The following LMBRD1 variants were observed in gnomAD, a reference collection of about 807,000 sequenced individuals.
LMBRD1 encodes lysosomal cobalamin transport escort protein LMBD1.
In LMBRD1, 64 loss-of-function variants were observed where a neutral mutation model predicts 74.8. The ratio of observed to expected loss-of-function variants is 0.86; its 90% CI spans 0.70 to 1.05. LMBRD1 has a LOEUF of 1.05. Among genes scored for constraint, LMBRD1 ranks in the 50% least tolerant of loss-of-function variants. The pLI is 0.00. For synonymous variants in LMBRD1, 204 were observed against 216.3 expected (o/e 0.94, Z 0.50); for missense variants, 652 against 645.9 (o/e 1.01, Z -0.10).
chr6:69,726,257 A>G (rs1766732483), intron 7 of LMBRD1, among the ~76,000 whole-genome samples: 1 of 152,226 alleles, frequency 6.6e-6, no homozygotes, highest in East Asian at 1.9e-4. Flanking sequence ...GAGAAAAGGG[A>G]ACCCTTGTAC....
At chr6:69,779,277 C>T (rs1005393592) in intron 3 of LMBRD1, among the ~76,000 whole-genome samples, 1 of 151,264 alleles carries the variant, frequency 6.6e-6, no homozygotes, top group Non-Finnish European at 1.5e-5. Flanking sequence ...CATTTAATGT[C>T]CTACTGAAAT....
intron 14 of LMBRD1, 76 bp from the exon 15 acceptor site, chr6:69,676,617 T>C (rs1765552870): frequency 8.7e-6 from 10 of 1,147,962 alleles, no homozygotes; most frequent in Non-Finnish European, 1.3e-5. Context: ...CTCTAAAAGA[T>C]TATTAACCAA....
intron 5 of LMBRD1, chr6:69,746,466 T>C: frequency 6.3e-6 from 1 of 158,366 alleles, no homozygotes; most frequent in Non-Finnish European, 1.4e-5. Context: ...CTCTAGAACA[T>C]CATCCCTGCC....
intron 9 of LMBRD1, among the ~76,000 whole-genome samples, chr6:69,713,260 A>G (rs1766420794): frequency 6.6e-6 from 1 of 152,112 alleles, no homozygotes; most frequent in African/African-American, 2.4e-5. Context: ...TACACCATAC[A>G]CAAAAACCAA....
chr6:69,754,609 G>C (rs1423279331), intron 3 of LMBRD1, among the ~76,000 whole-genome samples: 1 of 152,186 alleles, frequency 6.6e-6, no homozygotes, highest in Non-Finnish European at 1.5e-5. Context: ...AACTAATAGT[G>C]ACAATAAATC....
At chr6:69,723,220 A>G (rs1370586637) in intron 7 of LMBRD1, among the ~76,000 whole-genome samples, 1 of 152,140 alleles carries the variant, frequency 6.6e-6, no homozygotes. Flanking sequence ...TACATTAACA[A>G]TGGAGACTTC....
intron 14 of LMBRD1, among the ~76,000 whole-genome samples, chr6:69,692,748 C>T (rs947966894): frequency 1.3e-5 from 2 of 152,090 alleles, no homozygotes; most frequent in Non-Finnish European, 2.9e-5. Context: ...TCTCCTTTTG[C>T]TTTACCACAG....
chr6:69,776,136 G>A (rs1765694761), intron 3 of LMBRD1, among the ~76,000 whole-genome samples: 1 of 152,164 alleles, frequency 6.6e-6, no homozygotes, highest in South Asian at 2.1e-4. Context: ...TTTTCCAAAT[G>A]AATAAGGCAT....
At chr6:69,730,460 A>G (rs1196637366) in intron 7 of LMBRD1, among the ~76,000 whole-genome samples, 1 of 152,124 alleles carries the variant, frequency 6.6e-6, no homozygotes, top group East Asian at 1.9e-4. Flanking sequence ...TGAGTCTAAG[A>G]CGTATATATT....
intron 5 of LMBRD1, among the ~76,000 whole-genome samples, chr6:69,743,710 T>C (rs865923362): frequency 6.6e-6 from 1 of 152,192 alleles, no homozygotes; most frequent in Non-Finnish European, 1.5e-5. Flanking sequence ...CCTAAAATAT[T>C]TTCACATAAA....
At chr6:69,686,559 A>G (rs1266595573) in intron 14 of LMBRD1, among the ~76,000 whole-genome samples, 1 of 152,172 alleles carries the variant, frequency 6.6e-6, no homozygotes, top group Admixed American at 6.6e-5. Context: ...GAAATATTAA[A>G]CAAATACTTT....
intron 13 of LMBRD1, among the ~76,000 whole-genome samples, chr6:69,698,581 A>G (rs1766056762): frequency 6.6e-6 from 1 of 151,964 alleles, no homozygotes; most frequent in East Asian, 1.9e-4. Flanking sequence ...CACCACCAAT[A>G]AATCAGCATA....
rs1020960508 is a variant in LMBRD1, at chr6:69,674,108, T to C, written c.*2050A>G. On this transcript the variant is annotated 3_prime_UTR_variant, in exon 16 of 16. Coordinates refer to ENST00000649934, the MANE Select transcript of LMBRD1 (RefSeq NM_018368.4). ...CTGGATTCTCCTGAGGCCTCTCCTG[T>C]TGGCTTGCAGACCACTGCCTTCTCA... is the stretch of plus-strand genomic sequence containing the variant. Among the ~76,000 whole-genome samples the C allele has an allele frequency of 6.6e-6, 1 of 152,212 alleles. No individual in the cohort carries two copies. The highest frequency in any genetic ancestry group is 1.9e-4 in the East Asian group (1 of 5,200).
intron 5 of LMBRD1, among the ~76,000 whole-genome samples, chr6:69,747,069 A>C (rs562557417): frequency 2.0e-5 from 3 of 152,238 alleles, no homozygotes; most frequent in Admixed American, 6.5e-5. Flanking sequence ...CCAAAAAAAA[A>C]AAAAAACAAA....
chr6:69,713,526 C>T (rs1219204522), intron 9 of LMBRD1, 119 bp downstream of exon 9: 9 of 1,033,632 alleles, frequency 8.7e-6, no homozygotes, highest in South Asian at 6.2e-5. Flanking sequence ...CAGATTAAAC[C>T]CCCAAATCCA....
rs989696268 is a variant in LMBRD1 at position 69,719,855 on chromosome 6, C to G, written c.637-774G>C. Reference sequence around the variant, plus strand: ...ATGTACTTAAATGTTTTTCACTTTCCTTCTGGCACACTTTACCCCGTGCCC... The same window carrying G: ...ATGTACTTAAATGTTTTTCACTTTCGTTCTGGCACACTTTACCCCGTGCCC... On this transcript the variant is annotated intron_variant, in intron 7 of 15. Coordinates refer to ENST00000649934, the MANE Select transcript of LMBRD1 (RefSeq NM_018368.4). Among the ~76,000 whole-genome samples the G allele has an allele frequency of 7.9e-5, 12 of 152,240 alleles. No individual in the cohort carries two copies. In the South Asian group the frequency reaches 1.9e-3, roughly 24 times the overall value.
intron 14 of LMBRD1, among the ~76,000 whole-genome samples, chr6:69,688,730 A>G (rs1321873163): frequency 2.1e-5 from 3 of 140,184 alleles, no homozygotes; most frequent in African/African-American, 7.5e-5. Flanking sequence ...TGCAGAGGTA[A>G]TAAAAGATAT....
At chr6:69,774,959 AAGGAAG>A (rs1160324892) in intron 3 of LMBRD1, among the ~76,000 whole-genome samples, 4 of 31,806 alleles carry the variant, frequency 1.3e-4, no homozygotes, top group African/African-American at 5.2e-4. Flanking sequence ...GGAAGGAAGG[AAGGAAG>A]GAAGGAAGGA....
chr6:69,699,151 G>C lies in LMBRD1; in HGVS notation c.1230C>G (p.Leu410=). Residue 410 remains leucine (L), a synonymous_variant, in exon 13 of 16, where the codon CTC becomes CTG. Transcript: ENST00000649934. ...GCAGAAGTATCATGCAGAGAAAAAG[G>C]AGTGCTTGGGGCCTGGTTCTACCTC... ...IRRGRTRPQA[L]LFLCMILLLI... 1 of 1,611,794 alleles carries C rather than the reference G, an allele frequency of 6.2e-7. No homozygotes were observed. The highest frequency in any genetic ancestry group is 8.5e-7 in the Non-Finnish European group (1 of 1,178,284).
Sources: allele counts gnomAD v4.1 joint callset (sites outside exome capture counted in the v4.1 genomes callset), GRCh38; gene constraint gnomAD v4.1.1; transcripts MANE v1.5; gene names NCBI Gene and HGNC (gene_info 2026-07-23, HGNC 2026-07-21).